FBXL5: variants seen among roughly 807,000 people sequenced by gnomAD.
FBXL5 encodes the protein F-box/LRR-repeat protein 5.
A neutral mutation model predicts 78.3 loss-of-function variants in FBXL5; 26 were observed. That is an observed-to-expected ratio of 0.33 (90% CI 0.24 to 0.46). The LOEUF (loss-of-function observed/expected upper bound fraction) is 0.46. FBXL5 is among the 20% of genes least tolerant of loss of function. The probability of loss-of-function intolerance (pLI) is 1.00; values close to 1 mark genes in which losing one functional copy is unlikely to be tolerated. For missense variants in FBXL5, 710 were observed against 829.2 expected, an observed-to-expected ratio of 0.86 and a Z score of 1.77; for synonymous variants, 295 against 282.5, an observed-to-expected ratio of 1.04 and a Z score of -0.45.
intron 1 of FBXL5, among the ~76,000 whole-genome samples, chr4:15,665,026 A>G (rs1031437259): frequency 7.2e-5 from 11 of 152,208 alleles, no homozygotes; most frequent in Middle Eastern, 6.8e-3. Flanking sequence ...GGGCTTCTGA[A>G]TTATCAGGAA....
intron 10 of FBXL5, among the ~76,000 whole-genome samples, chr4:15,610,087 A>C (rs1434559934): frequency 6.6e-6 from 1 of 152,086 alleles, no homozygotes; most frequent in Admixed American, 6.5e-5. Flanking sequence ...ACGTATTAAA[A>C]CACACTACTT....
Position 15,628,031 on chromosome 4 carries a change from C to G in FBXL5, c.895G>C (p.Glu299Gln). 1 of 1,613,068 alleles carries G rather than the reference C, an allele frequency of 6.2e-7. No individual in the cohort carries two copies. Among genetic ancestry groups the G allele is most frequent in the Non-Finnish European group, 8.5e-7 (1 of 1,179,684 alleles). ...ATAGCAATTGATTCCTCCGCAGACT[C>G]TTCTGTAAAATGAATTCAAAAGTCC... is the stretch of plus-strand genomic sequence containing the variant. ...DEDADIDESE[E>Q]SAEESIAISI... The change falls in exon 7 of 11, where the codon GAG becomes CAG. Residue 299 changes from glutamate (E) to glutamine (Q), a missense_variant and splice_region_variant. Coordinates refer to ENST00000341285, the MANE Select transcript of FBXL5 (RefSeq NM_012161.4).
intron 1 of FBXL5, among the ~76,000 whole-genome samples, chr4:15,653,925 A>C (rs908635866): frequency 6.6e-6 from 1 of 152,212 alleles, no homozygotes; most frequent in Non-Finnish European, 1.5e-5. Flanking sequence ...TTTTTAGTTT[A>C]AGGCTAATAA....
intron 10 of FBXL5, among the ~76,000 whole-genome samples, chr4:15,609,862 C>T (rs559864734): frequency 6.6e-6 from 1 of 152,106 alleles, no homozygotes; most frequent in Admixed American, 6.5e-5. Context: ...TCTCCAAAAT[C>T]TCTGCTAATG....
At chr4:15,619,903 C>T (rs918566559) in intron 9 of FBXL5, among the ~76,000 whole-genome samples, 2 of 152,014 alleles carry the variant, frequency 1.3e-5, no homozygotes, top group African/African-American at 2.4e-5. Flanking sequence ...ACCCTAAAAC[C>T]TGTTAGAACT....
At chr4:15,621,842 CT>C (rs1469485020) in intron 9 of FBXL5, among the ~76,000 whole-genome samples, 8 of 152,138 alleles carry the variant, frequency 5.3e-5, no homozygotes, top group African/African-American at 1.9e-4. Context: ...AATGCTCCTT[CT>C]TTTGAGACAG....
chr4:15,677,276 T>C (rs1488728736), intron 1 of FBXL5, among the ~76,000 whole-genome samples: 6 of 152,208 alleles, frequency 3.9e-5, no homozygotes, highest in African/African-American at 7.2e-5. Context: ...ATAAAAAATA[T>C]ATTTATTCTT....
chr4:15,655,630 G>T (rs7688984), upstream of FBXL5, among the ~76,000 whole-genome samples: 103,313 of 152,098 alleles, frequency 0.68, 35,234 homozygotes, highest in East Asian at 0.8. Flanking sequence ...GAAAGTCGTT[G>T]CAGTGGCGCT....
intron 1 of FBXL5, among the ~76,000 whole-genome samples, chr4:15,670,665 T>C (rs563537655): frequency 1.3e-5 from 2 of 150,342 alleles, no homozygotes; most frequent in Admixed American, 6.6e-5. Flanking sequence ...CACTGGGCAA[T>C]GTCAGGAGTT....
intron 9 of FBXL5, among the ~76,000 whole-genome samples, chr4:15,618,070 A>C (rs1712096120): frequency 6.6e-6 from 1 of 152,252 alleles, no homozygotes; most frequent in African/African-American, 2.4e-5. Flanking sequence ...AAATTTTTTA[A>C]ACGACAAATA....
intron 10 of FBXL5, among the ~76,000 whole-genome samples, chr4:15,608,969 C>T (rs1722062860): frequency 6.6e-6 from 1 of 152,068 alleles, no homozygotes; most frequent in Non-Finnish European, 1.5e-5. Flanking sequence ...GTATAAGCAA[C>T]ATTAACAATA....
chr4:15,681,457 T>A (rs560285833), exon 1 of FBXL5: 2 of 168,972 alleles, frequency 1.2e-5, no homozygotes, highest in African/African-American at 4.8e-5. Flanking sequence ...CTCTTTTCGC[T>A]CCCATGGCTC....
intron 5 of FBXL5, among the ~76,000 whole-genome samples, chr4:15,633,767 G>T (rs1455235841): frequency 6.6e-6 from 1 of 152,094 alleles, no homozygotes; most frequent in African/African-American, 2.4e-5. Flanking sequence ...TAATTTATTT[G>T]TATTTGTATT....
intron 9 of FBXL5, among the ~76,000 whole-genome samples, 189 bp from the exon 10 acceptor site, chr4:15,612,603 C>T (rs950511906): frequency 6.6e-6 from 1 of 152,114 alleles, no homozygotes; most frequent in Non-Finnish European, 1.5e-5. Flanking sequence ...AAATGTTCAA[C>T]ATTTTTCCTA....
Position 15,605,438 on chromosome 4 carries a change from T to C in FBXL5, c.*285A>G. 3.3e-6 allele frequency: 1 copy of C among 299,886 alleles called. No individual in the cohort carries two copies. Among genetic ancestry groups the C allele is most frequent in the Non-Finnish European group, 6.3e-6 (1 of 157,576 alleles). The allele number at this position is 299,886 out of a possible 1,614,324, so 18.6% of individuals were successfully genotyped here. On this transcript the variant is annotated 3_prime_UTR_variant, in exon 11 of 11. Transcript: ENST00000341285. Reference sequence around the variant, plus strand: ...TATCTATGAAATACTTTAAATGACATGGCATTACCAACATTCTTTAAAGCA... The same window carrying C: ...TATCTATGAAATACTTTAAATGACACGGCATTACCAACATTCTTTAAAGCA...
intron 5 of FBXL5, among the ~76,000 whole-genome samples, chr4:15,633,508 G>C (rs1713908297): frequency 6.6e-6 from 1 of 152,142 alleles, no homozygotes. Flanking sequence ...TTAATGTAAA[G>C]CTAAACTATA....
chr4:15,672,926 C>T (rs1304046359), intron 1 of FBXL5, among the ~76,000 whole-genome samples: 4 of 151,642 alleles, frequency 2.6e-5, no homozygotes, highest in Admixed American at 6.6e-5. Context: ...TTTATTTTTA[C>T]GAGACACAAA....
rs571912675 is a variant in FBXL5, at chr4:15,631,456, T to C, written c.767-665A>G. Among the ~76,000 whole-genome samples, 5 of 152,324 alleles carry C rather than the reference T, an allele frequency of 3.3e-5. No individual in the cohort carries two copies. The South Asian group carries it at 8.3e-4, about 25-fold the overall frequency. On this transcript the variant is annotated intron_variant, in intron 5 of 10. Coordinates refer to ENST00000341285, the MANE Select transcript of FBXL5 (RefSeq NM_012161.4). ...CCAGTAATGGGATGGCTGGGTCAAA[T>C]GGTATTTCTAGTTCTAGATCCTTAA... is the stretch of plus-strand genomic sequence containing the variant.
intron 1 of FBXL5, among the ~76,000 whole-genome samples, chr4:15,676,555 A>G (rs1435187577): frequency 6.6e-6 from 1 of 152,214 alleles, no homozygotes; most frequent in East Asian, 1.9e-4. Flanking sequence ...TGTAAAAAAC[A>G]TTTTTTGGCA....
Sources: allele counts gnomAD v4.1 joint callset (sites outside exome capture counted in the v4.1 genomes callset), GRCh38; gene constraint gnomAD v4.1.1; transcripts MANE v1.5; gene names NCBI Gene and HGNC (gene_info 2026-07-23, HGNC 2026-07-21).